The following FKBP5 variants were observed in gnomAD, a reference collection of about 807,000 sequenced individuals.
The protein encoded by FKBP5 is peptidyl-prolyl cis-trans isomerase FKBP5.
FKBP5 carries 23 observed loss-of-function variants against 50.5 expected under a neutral mutation model. The observed-to-expected ratio is 0.46, with a 90% CI of 0.33 to 0.65. FKBP5 has a LOEUF of 0.65. Among genes scored for constraint, FKBP5 ranks in the 30% least tolerant of loss-of-function variants. The pLI, the probability that FKBP5 is intolerant of heterozygous loss-of-function variation, is 0.02. For missense variants in FKBP5, 411 were observed against 553.1 expected (o/e 0.74, Z 2.58); for synonymous variants, 176 against 190.6 (o/e 0.92, Z 0.63).
intron 3 of FKBP5, among the ~76,000 whole-genome samples, chr6:35,627,393 T>C (rs1260404206): frequency 6.6e-6 from 1 of 152,204 alleles, no homozygotes; most frequent in Non-Finnish European, 1.5e-5. Context: ...CCCTCCCACC[T>C]AGGTCTCCCA....
intron 4 of FKBP5, 75 bp from the exon 5 acceptor site, chr6:35,619,285 C>A: frequency 3.6e-6 from 3 of 832,952 alleles, no homozygotes; most frequent in Admixed American, 2.3e-5. Flanking sequence ...GCAAGGGCAA[C>A]CAATTATTTC....
At position 35,575,665 on chromosome 6, in the gene FKBP5, G is replaced by A. The variant is rs181993475; in HGVS notation, c.*170C>T. Reference sequence around the variant, plus strand: ...CGTGCCACCCCTCAGTGAACCCTCCGGGCAGCAGCAGGGGGGCTGTTTTTG... The same window carrying A: ...CGTGCCACCCCTCAGTGAACCCTCCAGGCAGCAGCAGGGGGGCTGTTTTTG... On this transcript the variant is annotated 3_prime_UTR_variant, in exon 11 of 11. Coordinates refer to ENST00000357266, the MANE Select transcript of FKBP5 (RefSeq NM_004117.4). 18 of 614,304 alleles carry A rather than the reference G, an allele frequency of 2.9e-5. No homozygotes were observed. In the East Asian group the frequency reaches 4.1e-4, roughly 14 times the overall value. The allele number at this position is 614,304 out of a possible 1,614,324, so 38.1% of individuals were successfully genotyped here.
At chr6:35,708,541 T>C (rs6457842) in intron 2 of FKBP5, among the ~76,000 whole-genome samples, 116,053 of 151,922 alleles carry the variant, frequency 0.76, 44,851 homozygotes, top group African/African-American at 0.89. Flanking sequence ...CATGAGCCAT[T>C]GCGCCTGGCC....
intron 2 of FKBP5, among the ~76,000 whole-genome samples, chr6:35,705,236 ATATATATATATATATATATATATTTTTTT>A (rs1766276462): frequency 1.3e-5 from 1 of 74,348 alleles, no homozygotes; most frequent in African/African-American, 3.1e-5. Flanking sequence ...ATATATATAT[ATATATATATATATATATATATATTTTTTT>A]TTTTTTTTTT....
chr6:35,705,680 T>A (rs975005420), intron 2 of FKBP5, among the ~76,000 whole-genome samples: 1 of 152,186 alleles, frequency 6.6e-6, no homozygotes, highest in Admixed American at 6.5e-5. Flanking sequence ...TCAGTACTAA[T>A]GGTGGAAAAA....
intron 1 of FKBP5, among the ~76,000 whole-genome samples, chr6:35,683,123 T>TGTGTGC (rs1554137856): frequency 5.8e-4 from 3 of 5,172 alleles, no homozygotes; most frequent in African/African-American, 1.9e-3. Flanking sequence ...TACGTATATG[T>TGTGTGC]GTGTGTGTGT....
chr6:35,580,264 G>T (rs767876230), intron 8 of FKBP5, 43 bp from the exon 9 acceptor site: 42 of 1,496,198 alleles, frequency 2.8e-5, no homozygotes, highest in Middle Eastern at 1.8e-4. Flanking sequence ...GCTCTTGAGG[G>T]GGTACAAAAG....
chr6:35,690,964 C>T (rs149411812), upstream of FKBP5, among the ~76,000 whole-genome samples: 3,225 of 151,956 alleles, frequency 0.021, 106 homozygotes, highest in African/African-American at 0.073. Flanking sequence ...CGAGATGGCA[C>T]CATTGCACTC....
At chr6:35,603,719 C>T (rs568518163) in intron 5 of FKBP5, among the ~76,000 whole-genome samples, 5 of 151,894 alleles carry the variant, frequency 3.3e-5, no homozygotes, top group African/African-American at 9.7e-5. Context: ...GACAGAGTCT[C>T]GTTCTGTTGC....
At chr6:35,617,642 C>T (rs1417356966) in intron 5 of FKBP5, among the ~76,000 whole-genome samples, 2 of 152,234 alleles carry the variant, frequency 1.3e-5, no homozygotes, top group East Asian at 1.9e-4. Context: ...AATGACACTT[C>T]TCAAGCACTT....
chr6:35,674,694 G>A (rs191907358), intron 1 of FKBP5, among the ~76,000 whole-genome samples: 256 of 152,266 alleles, frequency 1.7e-3, no homozygotes, highest in Admixed American at 2.6e-3. Context: ...AATCCTAGGC[G>A]AGAGATCACG....
At chr6:35,618,303 G>A (rs1431693689) in intron 5 of FKBP5, among the ~76,000 whole-genome samples, 1 of 152,160 alleles carries the variant, frequency 6.6e-6, no homozygotes, top group Non-Finnish European at 1.5e-5. Context: ...GTAGAGGCTG[G>A]TAGCATGCCT....
intron 1 of FKBP5, among the ~76,000 whole-genome samples, chr6:35,644,989 C>G (rs565306625): frequency 6.6e-6 from 1 of 152,214 alleles, no homozygotes; most frequent in Non-Finnish European, 1.5e-5. Context: ...CCACAGATTA[C>G]TTATTATTAA....
chr6:35,608,788 C>T (rs1296504131), intron 5 of FKBP5, among the ~76,000 whole-genome samples: 2 of 152,144 alleles, frequency 1.3e-5, no homozygotes, highest in Non-Finnish European at 2.9e-5. Flanking sequence ...AGAATCCAGA[C>T]TGTTATTATT....
intron 1 of FKBP5, among the ~76,000 whole-genome samples, chr6:35,650,299 CAAAA>C (rs34190034): frequency 2.0e-5 from 2 of 99,900 alleles, no homozygotes; most frequent in Non-Finnish European, 4.1e-5. Context: ...AGATATTGTC[CAAAA>C]AAAAAAAAAA....
At position 35,597,249 on chromosome 6, in the gene FKBP5, T is replaced by C. The variant is rs909316012; in HGVS notation, c.664A>G (p.Arg222Gly). The change falls in exon 6 of 11, where the codon AGA (arginine) becomes GGA (glycine). Residue 222 changes from arginine to glycine, a missense_variant and splice_region_variant. By Grantham distance (125) the Arg-to-Gly change is moderately radical. This residue lies in a region of FKBP5 where 267 missense variants were observed against 405.9 expected (regional missense o/e 0.66). Coordinates refer to ENST00000357266, the MANE Select transcript of FKBP5 (RefSeq NM_004117.4). ...EEQCILYLGPRYGFGEAGKPK... is the reference protein window; with the variant it reads ...EEQCILYLGPGYGFGEAGKPK... ...GTTCCAAACTGGTATGCTGCTTACC[T>C]TGGTCCAAGATATAAAATACATTGT... The C allele has an allele frequency of 1.2e-6, 2 of 1,613,750 alleles. No homozygotes were observed. Among genetic ancestry groups the C allele is most frequent in the African/African-American group, 1.3e-5 (1 of 74,932 alleles).
At chr6:35,653,005 C>T (rs765896996) in intron 1 of FKBP5, among the ~76,000 whole-genome samples, 45 of 152,048 alleles carry the variant, frequency 3.0e-4, no homozygotes, top group Non-Finnish European at 4.9e-4. Context: ...GCAGGTCCCC[C>T]GATAAGAAGG....
chr6:35,637,048 A>G lies in FKBP5; in HGVS notation c.216T>C (p.Asp72=). The G allele has an allele frequency of 6.2e-7, 1 of 1,608,076 alleles. No homozygotes were observed. Among genetic ancestry groups the G allele is most frequent in the Non-Finnish European group, 8.5e-7 (1 of 1,178,810 alleles). ...SNGKKFDSSH[D]RNEPFVFSLG... is the part of the protein sequence containing the mutation. ...GACTAAAGACAAATGGTTCATTTCTATCATGACTGGAATCAAACTTCTTTC... is the reference window on the plus strand; with the variant it reads ...GACTAAAGACAAATGGTTCATTTCTGTCATGACTGGAATCAAACTTCTTTC... The change falls in exon 3 of 11, where the codon GAT becomes GAC. Residue 72 remains aspartate (D), a synonymous_variant. Coordinates refer to ENST00000357266, the MANE Select transcript of FKBP5 (RefSeq NM_004117.4).
At position 35,722,589 on chromosome 6, in the gene FKBP5, G is replaced by A. The variant is rs114222606; in HGVS notation, c.-240-2041C>T. On this transcript the variant is annotated intron_variant, in intron 1 of 11. Coordinates refer to the FKBP5 transcript ENST00000536438. ...TGCCTGCCTCTGGCCTCATCTCCCCGGGCTCTCCAACCTGCACTCCATGTC... is the reference window on the plus strand; with the variant it reads ...TGCCTGCCTCTGGCCTCATCTCCCCAGGCTCTCCAACCTGCACTCCATGTC... 3.7e-3 allele frequency among the ~76,000 whole-genome samples: 568 copies of A among 152,236 alleles called. 5 individuals carry two copies. Among genetic ancestry groups the A allele is most frequent in the African/African-American group, 0.013 (551 of 41,504 alleles).
Sources: gnomAD v4.1 joint callset for allele counts (sites outside exome capture counted in the v4.1 genomes callset) on GRCh38, gnomAD v4.1.1 for gene constraint, gnomAD v4.1.1 regional missense constraint, MANE v1.5 for transcripts, NCBI Gene and HGNC (gene_info 2026-07-23, HGNC 2026-07-21) for gene names.